The following ZNF292 variants were observed in gnomAD, a reference collection of about 807,000 sequenced individuals.
The protein encoded by ZNF292 is zinc finger protein 292.
Under a neutral mutation model 217.9 loss-of-function variants are expected in ZNF292, and 26 were observed. The ratio of observed to expected loss-of-function variants is 0.12; its 90% CI spans 0.09 to 0.17. The LOEUF (loss-of-function observed/expected upper bound fraction) is 0.17. Ranked by LOEUF, ZNF292 falls within the 10% of genes least tolerant of loss-of-function variation. The pLI, the probability that ZNF292 is intolerant of heterozygous loss-of-function variation, is 1.00. For missense variants in ZNF292, 2,904 were observed against 3,175.2 expected (o/e 0.91, Z 2.05); for synonymous variants, 1,257 against 1,124.1 (o/e 1.12, Z -2.37).
chr6:87,201,474 G>A lies in ZNF292; in HGVS notation c.169-14429G>A, dbSNP rs990860495. Among the ~76,000 whole-genome samples the A allele has an allele frequency of 3.9e-5, 6 of 152,152 alleles. No individual in the cohort carries two copies. The East Asian group carries it at 5.8e-4, about 15-fold the overall frequency. The stretch of plus-strand genomic sequence containing the variant: ...GGCTGGAGTGCAATGGCATGATCTC[G>A]GCTCACCGCAACCTCCGCCTCCCGG... On this transcript the variant is annotated intron_variant, in intron 1 of 7. Coordinates refer to ENST00000369577, the MANE Select transcript of ZNF292 (RefSeq NM_015021.3).
chr6:87,261,349 A>C lies in ZNF292; in HGVS notation c.7720A>C (p.Ile2574Leu), dbSNP rs762416319. Reference protein sequence around the residue: ...EEETAVAIQTIEEHPASFDWS... With the variant: ...EEETAVAIQTLEEHPASFDWS... ...AGAAACTGCTGTTGCCATTCAAACC[A>C]TTGAGGAGCATCCTGCATCTTTTGA... The change falls in exon 8 of 8, where the codon ATT (isoleucine) becomes CTT (leucine). Residue 2574 changes from isoleucine (I) to leucine (L), a missense_variant. Coordinates refer to ENST00000369577, the MANE Select transcript of ZNF292 (RefSeq NM_015021.3). The C allele has an allele frequency of 1.9e-6, 3 of 1,613,416 alleles. No homozygotes were observed. The East Asian group carries it at 6.7e-5, about 36-fold the overall frequency.
intron 1 of ZNF292, among the ~76,000 whole-genome samples, chr6:87,172,832 G>T (rs1771146937): frequency 6.6e-6 from 1 of 151,714 alleles, no homozygotes; most frequent in South Asian, 2.1e-4. Flanking sequence ...ACCTGAGCCT[G>T]GGAAGTCGAG....
In ZNF292 at chr6:87,255,682, G is replaced by C; in HGVS notation, c.2053G>C (p.Val685Leu). The C allele has an allele frequency of 6.2e-7, 1 of 1,613,244 alleles. No homozygotes were observed. Among genetic ancestry groups the C allele is most frequent in the Non-Finnish European group, 8.5e-7 (1 of 1,179,602 alleles). ...ACCTGTTAATGAATTTAATTGCCCTGTAACTTTTTGTAAAAAGGGCTTTAA... is the reference window on the plus strand; with the variant it reads ...ACCTGTTAATGAATTTAATTGCCCTCTAACTTTTTGTAAAAAGGGCTTTAA... ...PVPVNEFNCP[V>L]TFCKKGFKYF... The change falls in exon 8 of 8, where the codon GTA becomes CTA. Residue 685 changes from valine (V) to leucine (L), a missense_variant. Val to Leu is a conservative substitution (Grantham distance 32). This residue lies in a region of ZNF292 where 216 missense variants were observed against 308.3 expected (regional missense o/e 0.70). Coordinates refer to ENST00000369577, the MANE Select transcript of ZNF292 (RefSeq NM_015021.3).
chr6:87,221,231 C>T (rs949034313), intron 4 of ZNF292, among the ~76,000 whole-genome samples: 1 of 152,098 alleles, frequency 6.6e-6, no homozygotes, highest in African/African-American at 2.4e-5. Context: ...AGTGAGGTAG[C>T]TCTAATAACT....
intron 5 of ZNF292, among the ~76,000 whole-genome samples, chr6:87,241,804 C>G (rs966887899): frequency 2.0e-5 from 3 of 152,176 alleles, no homozygotes; most frequent in Admixed American, 2.0e-4. Context: ...GGTGGTCCCC[C>G]AATTTATGAT....
Position 87,261,414 on chromosome 6 carries a change from T to C in ZNF292, c.7785T>C (p.Phe2595=), listed in dbSNP as rs1200199782. 4 of 1,611,000 alleles carry C rather than the reference T, an allele frequency of 2.5e-6. No individual in the cohort carries two copies. The highest frequency in any genetic ancestry group is 3.4e-6 in the Non-Finnish European group (4 of 1,178,506). ...AGCCAATGGGATTTGAAGTATCATT[T>C]CTGAAGTTTCTTGAGGAGTCTGCAG... ...SFKPMGFEVS[F]LKFLEESAVK... is the part of the protein sequence containing the mutation. Residue 2595 remains phenylalanine (F), a synonymous_variant, in exon 8 of 8, where the codon TTT becomes TTC. Transcript: ENST00000369577.
intron 1 of ZNF292, among the ~76,000 whole-genome samples, chr6:87,209,065 G>C (rs1772367429): frequency 6.7e-6 from 1 of 149,988 alleles, no homozygotes; most frequent in South Asian, 2.1e-4. Context: ...TCCTAAAATA[G>C]ACTTTTCAAC....
At chr6:87,202,294 T>C (rs1772120909) in intron 1 of ZNF292, among the ~76,000 whole-genome samples, 1 of 152,218 alleles carries the variant, frequency 6.6e-6, no homozygotes, top group African/African-American at 2.4e-5. Flanking sequence ...TCCTAGGTAC[T>C]TCACGAGTTT....
chr6:87,230,232 CTGCAAAGGAAATCA>C (rs34195007), intron 4 of ZNF292, among the ~76,000 whole-genome samples: 14,375 of 152,084 alleles, frequency 0.095, 703 homozygotes, highest in East Asian at 0.13. Flanking sequence ...GTCAAAGATG[CTGCAAAGGAAATCA>C]TGCAAATCTG....
chr6:87,237,643 G>A (rs1439765861), intron 5 of ZNF292, among the ~76,000 whole-genome samples: 2 of 152,122 alleles, frequency 1.3e-5, no homozygotes, highest in East Asian at 1.9e-4. Flanking sequence ...TGAATAGTTG[G>A]CATAAAGAGC....
At chr6:87,176,150 TTAAC>T (rs1209617033) in intron 1 of ZNF292, among the ~76,000 whole-genome samples, 2 of 152,212 alleles carry the variant, frequency 1.3e-5, no homozygotes, top group African/African-American at 4.8e-5. Flanking sequence ...TGAGTCACCT[TTAAC>T]AGACTACAGA....
At chr6:87,228,748 G>A (rs1401346570) in intron 4 of ZNF292, among the ~76,000 whole-genome samples, 1 of 151,996 alleles carries the variant, frequency 6.6e-6, no homozygotes, top group African/African-American at 2.4e-5. Context: ...TATATGATAG[G>A]GTTTATTTCT....
intron 1 of ZNF292, among the ~76,000 whole-genome samples, chr6:87,208,436 C>T (rs771040922): frequency 1.3e-5 from 2 of 151,886 alleles, no homozygotes; most frequent in African/African-American, 4.8e-5. Context: ...CTTTTTTCTC[C>T]TATCCATAAT....
intron 1 of ZNF292, among the ~76,000 whole-genome samples, chr6:87,205,192 C>T (rs964670688): frequency 6.6e-6 from 1 of 152,046 alleles, no homozygotes; most frequent in Non-Finnish European, 1.5e-5. Context: ...CCAGCTTTAG[C>T]CTCCCAAGTA....
At chr6:87,163,450 CA>C (rs751272449) in intron 1 of ZNF292, among the ~76,000 whole-genome samples, 3,008 of 133,344 alleles carry the variant, frequency 0.023, 39 homozygotes, top group Middle Eastern at 0.037. Context: ...GACTTCGCCT[CA>C]AAAAAAAAAA....
intron 1 of ZNF292, among the ~76,000 whole-genome samples, chr6:87,174,557 G>GT (rs1771219805): frequency 6.6e-6 from 1 of 152,106 alleles, no homozygotes; most frequent in African/African-American, 2.4e-5. Context: ...CTAAACTGGT[G>GT]TTTTTTCCTC....
At chr6:87,161,176 G>T (rs1210120487) in intron 1 of ZNF292, among the ~76,000 whole-genome samples, 1 of 152,102 alleles carries the variant, frequency 6.6e-6, no homozygotes, top group African/African-American at 2.4e-5. Context: ...CTTTTGCTAG[G>T]TTAAAGAGGG....
chr6:87,232,195 T>G (rs1419013889), intron 4 of ZNF292, among the ~76,000 whole-genome samples: 4 of 152,124 alleles, frequency 2.6e-5, no homozygotes, highest in Non-Finnish European at 5.9e-5. Context: ...GCTTATATGT[T>G]TATGGTTTTA....
chr6:87,214,332 A>G (rs1210113980), intron 1 of ZNF292, among the ~76,000 whole-genome samples: 1 of 152,040 alleles, frequency 6.6e-6, no homozygotes, highest in Non-Finnish European at 1.5e-5. Flanking sequence ...AAGATCAGGA[A>G]TAGCTTTACC....
Sources: gnomAD v4.1 joint callset for allele counts (sites outside exome capture counted in the v4.1 genomes callset) on GRCh38, gnomAD v4.1.1 for gene constraint, gnomAD v4.1.1 regional missense constraint, MANE v1.5 for transcripts, NCBI Gene and HGNC (gene_info 2026-07-23, HGNC 2026-07-21) for gene names.